ZNF804B: variants seen among roughly 807,000 people sequenced by gnomAD.
ZNF804B encodes zinc finger 804B.
In ZNF804B, 80 loss-of-function variants were observed where a neutral mutation model predicts 101.4. The observed-to-expected ratio is 0.79, with a 90% confidence interval of 0.66 to 0.95. The LOEUF (loss-of-function observed/expected upper bound fraction) is 0.95, where lower values mean the gene tolerates loss of function less well. ZNF804B is among the 40% of genes least tolerant of loss of function. The pLI is 0.00. For synonymous variants in ZNF804B, 622 were observed against 558.8 expected, an observed-to-expected ratio of 1.11 and a Z score of -1.59; for missense variants, 1,673 against 1,561.9, an observed-to-expected ratio of 1.07 and a Z score of -1.20.
chr7:88,979,132 G>T (rs549579937), intron 1 of ZNF804B, among the ~76,000 whole-genome samples: 25 of 151,896 alleles, frequency 1.6e-4, no homozygotes, highest in Non-Finnish European at 3.7e-4. Flanking sequence ...TTATGTGTAT[G>T]TCTTGAAAAG....
intron 1 of ZNF804B, among the ~76,000 whole-genome samples, chr7:89,017,265 A>G (rs1330808319): frequency 6.6e-6 from 1 of 152,216 alleles, no homozygotes; most frequent in Non-Finnish European, 1.5e-5. Context: ...CTAGATATAC[A>G]GTCATGTCAT....
intron 1 of ZNF804B, among the ~76,000 whole-genome samples, chr7:89,081,946 T>G (rs1789704123): frequency 6.6e-6 from 1 of 151,788 alleles, no homozygotes; most frequent in Middle Eastern, 3.2e-3. Context: ...TAAATTTACC[T>G]AAATTATTTC....
At chr7:88,772,459 C>T (rs1164984074) in intron 1 of ZNF804B, among the ~76,000 whole-genome samples, 2 of 152,132 alleles carry the variant, frequency 1.3e-5, no homozygotes, top group African/African-American at 4.8e-5. Context: ...GGTGAGAAAG[C>T]ACAGTTAAAG....
intron 2 of ZNF804B, among the ~76,000 whole-genome samples, chr7:89,237,172 C>T (rs914835272): frequency 2.0e-5 from 3 of 151,956 alleles, no homozygotes; most frequent in African/African-American, 7.2e-5. Flanking sequence ...ACATGAATAA[C>T]AATAACATTT....
chr7:88,983,512 A>G (rs1266655619), intron 1 of ZNF804B, among the ~76,000 whole-genome samples: 1 of 151,934 alleles, frequency 6.6e-6, no homozygotes, highest in Admixed American at 6.6e-5. Flanking sequence ...ACACTGTCCA[A>G]TACTGCAGCC....
At chr7:88,819,745 A>AATACAT (rs1374021682) in intron 1 of ZNF804B, among the ~76,000 whole-genome samples, 1 of 152,210 alleles carries the variant, frequency 6.6e-6, no homozygotes, top group Non-Finnish European at 1.5e-5. Flanking sequence ...TCATTATAAA[A>AATACAT]ATACATATAC....
chr7:89,078,194 GACTA>G (rs1295062498), intron 1 of ZNF804B, among the ~76,000 whole-genome samples: 1 of 152,034 alleles, frequency 6.6e-6, no homozygotes, highest in East Asian at 1.9e-4. Context: ...TCAGTGTGAT[GACTA>G]ACTTTTTCAG....
intron 1 of ZNF804B, among the ~76,000 whole-genome samples, chr7:88,863,499 G>A (rs914204832): frequency 6.6e-6 from 1 of 152,106 alleles, no homozygotes; most frequent in African/African-American, 2.4e-5. Flanking sequence ...TGTAACTGGA[G>A]TTACAAAAGA....
At chr7:88,761,458 A>C (rs749149120) in intron 1 of ZNF804B, among the ~76,000 whole-genome samples, 7 of 152,154 alleles carry the variant, frequency 4.6e-5, no homozygotes, top group Non-Finnish European at 7.4e-5. Flanking sequence ...GCAGGTCTGA[A>C]TCTTTCCCAT....
chr7:88,971,753 A>G (rs1404143552), intron 1 of ZNF804B, among the ~76,000 whole-genome samples: 1 of 151,596 alleles, frequency 6.6e-6, no homozygotes, highest in East Asian at 2.0e-4. Flanking sequence ...AATTTTTACA[A>G]TATTACCCTT....
intron 1 of ZNF804B, among the ~76,000 whole-genome samples, chr7:88,878,268 C>T (rs1295980976): frequency 6.6e-6 from 1 of 152,122 alleles, no homozygotes; most frequent in Non-Finnish European, 1.5e-5. Context: ...AGATTTAAAA[C>T]CAGACTCTGG....
chr7:89,215,743 C>T (rs1333852412), intron 1 of ZNF804B, among the ~76,000 whole-genome samples: 20 of 151,666 alleles, frequency 1.3e-4, no homozygotes, highest in African/African-American at 4.8e-4. Context: ...ATTAGCCGGG[C>T]GTGGCAGCGG....
intron 1 of ZNF804B, among the ~76,000 whole-genome samples, chr7:89,090,993 T>G (rs536657507): frequency 6.6e-6 from 1 of 152,240 alleles, no homozygotes; most frequent in South Asian, 2.1e-4. Flanking sequence ...TTGAGGAAAG[T>G]TTGGACGTAA....
chr7:89,106,741 G>A (rs1562886370), intron 1 of ZNF804B, among the ~76,000 whole-genome samples: 2 of 152,124 alleles, frequency 1.3e-5, no homozygotes, highest in South Asian at 4.1e-4. Context: ...AGAGAAATCT[G>A]TGAATAAAGA....
chr7:89,208,530 C>T (rs545087270), intron 1 of ZNF804B, among the ~76,000 whole-genome samples: 3 of 152,250 alleles, frequency 2.0e-5, no homozygotes, highest in East Asian at 1.9e-4. Context: ...CATGATTAAG[C>T]GATTAAGCAA....
intron 2 of ZNF804B, among the ~76,000 whole-genome samples, chr7:89,311,028 C>T (rs1390220926): frequency 6.6e-6 from 1 of 152,020 alleles, no homozygotes; most frequent in African/African-American, 2.4e-5. Flanking sequence ...CCACAAGAAG[C>T]ATGACTAATT....
At chr7:89,290,184 C>G (rs1397035531) in intron 2 of ZNF804B, among the ~76,000 whole-genome samples, 1 of 152,106 alleles carries the variant, frequency 6.6e-6, no homozygotes, top group Admixed American at 6.6e-5. Flanking sequence ...AACTAAAGAG[C>G]ACATGGGCAC....
chr7:89,143,759 C>A (rs1790749546), intron 1 of ZNF804B, among the ~76,000 whole-genome samples: 1 of 151,998 alleles, frequency 6.6e-6, no homozygotes, highest in Non-Finnish European at 1.5e-5. Flanking sequence ...AAACTAGATT[C>A]TGTTCAGAAA....
chr7:88,889,968 G>T (rs1473615057), intron 1 of ZNF804B, among the ~76,000 whole-genome samples: 1 of 151,990 alleles, frequency 6.6e-6, no homozygotes, highest in Non-Finnish European at 1.5e-5. Flanking sequence ...GAGAGATAGG[G>T]GTCTAGTTTC....
Sources: allele counts gnomAD v4.1 joint callset (sites outside exome capture counted in the v4.1 genomes callset), GRCh38; gene constraint gnomAD v4.1.1; transcripts MANE v1.5; gene names NCBI Gene and HGNC (gene_info 2026-07-23, HGNC 2026-07-21).